TBC1D22A: variants seen among roughly 807,000 people sequenced by gnomAD.
TBC1D22A encodes putative GTPase activator.
TBC1D22A carries 38 observed loss-of-function variants against 60.2 expected under a neutral mutation model. The observed-to-expected ratio is 0.63, with a 90% confidence interval of 0.49 to 0.83. The LOEUF (loss-of-function observed/expected upper bound fraction) is 0.83. Ranked by LOEUF, TBC1D22A falls within the 40% of genes least tolerant of loss-of-function variation. The pLI is 0.00. For missense variants in TBC1D22A, 628 were observed against 701.0 expected, an observed-to-expected ratio of 0.90 and a Z score of 1.18; for synonymous variants, 302 against 281.7, an observed-to-expected ratio of 1.07 and a Z score of -0.72.
rs571194514 is a variant in TBC1D22A, at chr22:47,112,193, G to A, written c.1425+590G>A. ...GTGTCCAGCCCCTGACCCACCCCAC[G>A]TGTTCCTCTGTGAGGCGTCCCGGGC... is the stretch of plus-strand genomic sequence containing the variant. On this transcript the variant is annotated intron_variant, in intron 12 of 12. Transcript: ENST00000337137. Among the ~76,000 whole-genome samples the A allele has an allele frequency of 3.3e-5, 5 of 152,342 alleles. No homozygotes were observed. The East Asian group carries it at 7.7e-4, about 24-fold the overall frequency.
At chr22:47,066,399 A>T (rs1292108310) in intron 11 of TBC1D22A, among the ~76,000 whole-genome samples, 7 of 145,044 alleles carry the variant, frequency 4.8e-5, no homozygotes, top group African/African-American at 1.7e-4. Context: ...GGGATGCTCG[A>T]GTCAGGGGAG....
intron 11 of TBC1D22A, among the ~76,000 whole-genome samples, chr22:47,043,922 A>G (rs929989325): frequency 1.7e-4 from 5 of 29,180 alleles, no homozygotes; most frequent in East Asian, 5.4e-3. Context: ...TTGCTCAGAC[A>G]TTGCATTTTA....
intron 12 of TBC1D22A, among the ~76,000 whole-genome samples, chr22:47,164,533 C>T (rs982444165): frequency 6.6e-5 from 10 of 152,220 alleles, no homozygotes; most frequent in East Asian, 1.9e-4. Flanking sequence ...GCTGGGTCTC[C>T]CCTGCCCTTG....
intron 8 of TBC1D22A, chr22:46,915,738 G>A (rs1292259234): frequency 4.4e-6 from 2 of 456,558 alleles, no homozygotes; most frequent in Non-Finnish European, 8.8e-6. Flanking sequence ...TTCTGGGGAT[G>A]TGTGTTCGCC....
chr22:47,074,785 T>C (rs142803710), intron 11 of TBC1D22A, among the ~76,000 whole-genome samples: 12 of 152,316 alleles, frequency 7.9e-5, no homozygotes, highest in African/African-American at 2.6e-4. Flanking sequence ...GGCACCTCCA[T>C]TGGCCAACAG....
chr22:47,124,342 T>C (rs2066376788), intron 12 of TBC1D22A, among the ~76,000 whole-genome samples: 1 of 152,138 alleles, frequency 6.6e-6, no homozygotes, highest in African/African-American at 2.4e-5. Context: ...GCTTTCCTTG[T>C]GGGAGAGCTG....
intron 11 of TBC1D22A, among the ~76,000 whole-genome samples, chr22:47,054,823 C>G (rs1211254842): frequency 6.6e-6 from 1 of 152,190 alleles, no homozygotes. Context: ...CCAGTTCCCT[C>G]AAGTCTCCCT....
chr22:46,900,606 C>T (rs2068938945), intron 7 of TBC1D22A, among the ~76,000 whole-genome samples: 1 of 152,162 alleles, frequency 6.6e-6, no homozygotes, highest in Non-Finnish European at 1.5e-5. Flanking sequence ...TAGAGTTCTG[C>T]CCTTTTGTAG....
intron 12 of TBC1D22A, among the ~76,000 whole-genome samples, chr22:47,158,278 A>C (rs1216566207): frequency 1.3e-5 from 2 of 152,248 alleles, no homozygotes; most frequent in Non-Finnish European, 2.9e-5. Context: ...ACGCTTAAGC[A>C]CATTGAGAGC....
At chr22:47,041,033 G>T (rs973656725) in intron 11 of TBC1D22A, among the ~76,000 whole-genome samples, 3 of 152,138 alleles carry the variant, frequency 2.0e-5, no homozygotes, top group African/African-American at 7.2e-5. Context: ...GGGACTCGCT[G>T]GTAAACGGGC....
In TBC1D22A at chr22:46,878,680, G is replaced by T; in HGVS notation, c.665G>T (p.Gly222Val). 1 of 1,613,222 alleles carries T rather than the reference G, an allele frequency of 6.2e-7. No individual in the cohort carries two copies. Residue 222 changes from glycine (G) to valine (V), a missense_variant, in exon 5 of 13, where the codon GGA becomes GTA. By Grantham distance (109) the Gly-to-Val change is moderately radical. Transcript: ENST00000337137. ...LEELRRLSWSGIPKPVRPMTW... is the reference protein window; with the variant it reads ...LEELRRLSWSVIPKPVRPMTW... The stretch of plus-strand genomic sequence containing the variant: ...GAATTACGGAGGTTGAGCTGGTCCG[G>T]AATCCCTAAGCCAGTGCGTCCAATG...
chr22:46,786,530 G>C (rs950805318), intron 1 of TBC1D22A, among the ~76,000 whole-genome samples: 6 of 152,254 alleles, frequency 3.9e-5, no homozygotes, highest in South Asian at 2.1e-4. Context: ...CATAGAATGA[G>C]TTGGGAAATA....
At chr22:46,999,256 A>G (rs1053708813) in intron 10 of TBC1D22A, among the ~76,000 whole-genome samples, 2 of 152,240 alleles carry the variant, frequency 1.3e-5, no homozygotes, top group East Asian at 1.9e-4. Flanking sequence ...CAGCAGCGAT[A>G]ACCAAAGGAA....
intron 3 of TBC1D22A, among the ~76,000 whole-genome samples, chr22:46,797,008 C>G (rs1004293892): frequency 5.3e-5 from 8 of 152,314 alleles, no homozygotes; most frequent in Middle Eastern, 3.4e-3. Context: ...TCCTCAGCAC[C>G]TCTGCAGGCT....
At chr22:47,128,486 A>C (rs1251336810) in intron 12 of TBC1D22A, among the ~76,000 whole-genome samples, 1 of 143,796 alleles carries the variant, frequency 7.0e-6, no homozygotes, top group Admixed American at 7.0e-5. Flanking sequence ...TTCCAGGGAG[A>C]GGTCTGGGCA....
At chr22:47,145,274 G>A (rs556855417) in intron 12 of TBC1D22A, among the ~76,000 whole-genome samples, 187 of 152,260 alleles carry the variant, frequency 1.2e-3, no homozygotes, top group Middle Eastern at 0.01. Context: ...CATCCTTTAC[G>A]TGCCCAGGTG....
Position 46,950,773 on chromosome 22 carries a change from C to G in TBC1D22A, c.1016-23517C>G, listed in dbSNP as rs74315809. Reference sequence around the variant, plus strand: ...GGTAGAGAGAGCGCCTTTTACGAACCCTTGCGTCTCCGGGATGGATGTGTG... The same window carrying G: ...GGTAGAGAGAGCGCCTTTTACGAACGCTTGCGTCTCCGGGATGGATGTGTG... On this transcript the variant is annotated intron_variant, in intron 8 of 12. Transcript: ENST00000337137. Among the ~76,000 whole-genome samples the G allele has an allele frequency of 2.2e-3, 333 of 152,230 alleles. 1 individual carries two copies. Among genetic ancestry groups the G allele is most frequent in the Non-Finnish European group, 3.4e-3 (230 of 68,004 alleles).
At chr22:47,151,532 C>T (rs896153094) in intron 12 of TBC1D22A, among the ~76,000 whole-genome samples, 3 of 152,224 alleles carry the variant, frequency 2.0e-5, no homozygotes, top group African/African-American at 7.2e-5. Flanking sequence ...GCCTTGGAAG[C>T]TTGGTCCATG....
intron 12 of TBC1D22A, among the ~76,000 whole-genome samples, chr22:47,154,144 G>C (rs2067617919): frequency 6.6e-6 from 1 of 152,188 alleles, no homozygotes; most frequent in African/African-American, 2.4e-5. Context: ...CTGTCTCCAG[G>C]CCATGACTTC....
Sources: allele counts gnomAD v4.1 joint callset (sites outside exome capture counted in the v4.1 genomes callset), GRCh38; gene constraint gnomAD v4.1.1; transcripts MANE v1.5; gene names NCBI Gene and HGNC (gene_info 2026-07-23, HGNC 2026-07-21).